PCDH7: variants seen among roughly 807,000 people sequenced by gnomAD.
The protein encoded by PCDH7 is protocadherin-7.
Under a neutral mutation model 58.9 loss-of-function variants are expected in PCDH7, and 17 were observed. That is an observed-to-expected ratio of 0.29 (90% CI 0.20 to 0.43). The LOEUF is 0.43. Ranked by LOEUF, PCDH7 falls within the 20% of genes least tolerant of loss-of-function variation. PCDH7 has a pLI of 1.00. For missense variants in PCDH7, 1,274 were observed against 1,441.0 expected, an observed-to-expected ratio of 0.88 and a Z score of 1.88; for synonymous variants, 664 against 616.4, an observed-to-expected ratio of 1.08 and a Z score of -1.14.
chr4:30,936,667 G>A (rs1041656784), intron 2 of PCDH7, among the ~76,000 whole-genome samples: 1 of 151,586 alleles, frequency 6.6e-6, no homozygotes, highest in East Asian at 1.9e-4. Flanking sequence ...CAATATTTAT[G>A]TTATCATCAA....
intron 1 of PCDH7, among the ~76,000 whole-genome samples, chr4:30,860,032 A>G (rs1733998340): frequency 6.6e-6 from 1 of 152,196 alleles, no homozygotes. Flanking sequence ...TGAAAAAATG[A>G]GAATCAGTCT....
At chr4:30,830,992 T>C (rs562291545) in intron 1 of PCDH7, among the ~76,000 whole-genome samples, 2 of 152,252 alleles carry the variant, frequency 1.3e-5, no homozygotes, top group African/African-American at 4.8e-5. Context: ...TCACTTTTAA[T>C]AGAGTAAAAG....
intron 3 of PCDH7, among the ~76,000 whole-genome samples, chr4:31,107,233 C>T (rs757366963): frequency 1.5e-4 from 23 of 152,080 alleles, no homozygotes; most frequent in Admixed American, 3.9e-4. Context: ...GACATGAATA[C>T]GTGGGTGAAA....
chr4:31,069,053 G>A (rs543480643), intron 3 of PCDH7, among the ~76,000 whole-genome samples: 15 of 151,900 alleles, frequency 9.9e-5, no homozygotes, highest in African/African-American at 2.7e-4. Flanking sequence ...GTGTGTGTGC[G>A]TGTGTGTGTG....
At chr4:31,079,282 G>T (rs1759268558) in intron 3 of PCDH7, among the ~76,000 whole-genome samples, 1 of 118,428 alleles carries the variant, frequency 8.4e-6, no homozygotes, top group Admixed American at 9.2e-5. Context: ...ATGCCACAGT[G>T]TGTAAAAGAT....
In PCDH7 at chr4:30,722,016, CGGG is replaced by C; in HGVS notation, c.596_598del (p.Gly199del). The C allele has an allele frequency of 7.9e-7, 1 of 1,259,426 alleles. No individual in the cohort carries two copies. Among genetic ancestry groups the C allele is most frequent in the Non-Finnish European group, 9.9e-7 (1 of 1,005,486 alleles). 78.0% of individuals were successfully genotyped at this position (1,259,426 alleles called of 1,614,324 possible). On this transcript the variant is annotated inframe_deletion, in exon 1 of 2. Coordinates refer to ENST00000361762, the Ensembl canonical transcript of PCDH7. The surrounding 1 kb of genome is among the most constrained non-coding windows in gnomAD (Gnocchi z 7.6). ...GCAGCGGCGGCGAGAGCCGGCGCGC[CGGG>C]GCGGCCGACAGCGCCCCCTACCCCG...
At chr4:31,069,707 T>A (rs1758384719) in intron 3 of PCDH7, among the ~76,000 whole-genome samples, 1 of 152,044 alleles carries the variant, frequency 6.6e-6, no homozygotes, top group South Asian at 2.1e-4. Flanking sequence ...AATATGAAAT[T>A]TTTCTTATTA....
chr4:30,952,422 A>G (rs1001318304), intron 3 of PCDH7, among the ~76,000 whole-genome samples: 1 of 152,018 alleles, frequency 6.6e-6, no homozygotes, highest in Admixed American at 6.6e-5. Flanking sequence ...ACTAAAGGAA[A>G]ACAGTGGATA....
At chr4:30,750,737 C>T (rs572418433) in intron 1 of PCDH7, among the ~76,000 whole-genome samples, 1 of 151,956 alleles carries the variant, frequency 6.6e-6, no homozygotes, top group South Asian at 2.1e-4. Context: ...AGGTACTGGC[C>T]CATGTACCGA....
intron 3 of PCDH7, among the ~76,000 whole-genome samples, chr4:31,119,963 A>G (rs930884863): frequency 6.7e-5 from 10 of 148,386 alleles, no homozygotes; most frequent in Admixed American, 1.3e-4. Context: ...TTTTTTTTCC[A>G]TCTATAGGTA....
At chr4:30,887,796 G>A (rs558644759) in intron 1 of PCDH7, among the ~76,000 whole-genome samples, 3 of 152,030 alleles carry the variant, frequency 2.0e-5, no homozygotes, top group Admixed American at 6.6e-5. Flanking sequence ...GCATTCACAC[G>A]GCATTGATCA....
At chr4:30,761,939 A>G (rs2109269493) in intron 1 of PCDH7, among the ~76,000 whole-genome samples, 1 of 152,354 alleles carries the variant, frequency 6.6e-6, no homozygotes, top group East Asian at 1.9e-4. Context: ...CATACCTGCC[A>G]ACCACCCTTG....
chr4:30,861,869 T>G (rs1366649464), intron 1 of PCDH7, among the ~76,000 whole-genome samples: 1 of 152,092 alleles, frequency 6.6e-6, no homozygotes, highest in Non-Finnish European at 1.5e-5. Context: ...TTGTTAGCCT[T>G]TTATTTGACT....
At chr4:30,857,223 T>G (rs766521532) in intron 1 of PCDH7, among the ~76,000 whole-genome samples, 1 of 152,150 alleles carries the variant, frequency 6.6e-6, no homozygotes, top group Non-Finnish European at 1.5e-5. Flanking sequence ...AATAGGCATA[T>G]TTTAGAAACC....
intron 1 of PCDH7, among the ~76,000 whole-genome samples, chr4:30,795,135 GTGTT>G (rs2109301801): frequency 6.6e-6 from 1 of 152,166 alleles, no homozygotes; most frequent in African/African-American, 2.4e-5. Context: ...AATCTTTCCT[GTGTT>G]TGTTTATTTA....
Position 30,894,078 on chromosome 4 carries a change from G to A in PCDH7, c.71-26075G>A, listed in dbSNP as rs183765670. 3.1e-3 allele frequency among the ~76,000 whole-genome samples: 466 copies of A among 152,088 alleles called. 3 individuals carry two copies. Among genetic ancestry groups the A allele is most frequent in the Non-Finnish European group, 3.9e-3 (267 of 67,964 alleles). ...TTCTGATAATAAATTATTATTGCCTGGGCTATTATATTTTGTTCTTAAGAA... is the reference window on the plus strand; with the variant it reads ...TTCTGATAATAAATTATTATTGCCTAGGCTATTATATTTTGTTCTTAAGAA... On this transcript the variant is annotated intron_variant, in intron 1 of 3. Transcript: ENST00000509759.
At chr4:30,819,520 A>G (rs1159880826) in intron 1 of PCDH7, among the ~76,000 whole-genome samples, 1 of 152,200 alleles carries the variant, frequency 6.6e-6, no homozygotes, top group Non-Finnish European at 1.5e-5. Flanking sequence ...TTGAATAGAT[A>G]AAGTAAAAAT....
intron 3 of PCDH7, among the ~76,000 whole-genome samples, chr4:31,061,674 C>T (rs905551614): frequency 1.3e-5 from 2 of 151,648 alleles, no homozygotes; most frequent in Non-Finnish European, 3.0e-5. Context: ...AGTCAGTAAT[C>T]TTAAATTCAG....
In PCDH7 at chr4:30,807,319, C is replaced by T. The variant is rs191784809; in HGVS notation, c.70+82723C>T. On this transcript the variant is annotated intron_variant, in intron 1 of 3. Coordinates refer to the PCDH7 transcript ENST00000509759. ...ATAAACAATAAAATACAAAAAAAGACGTTGTCTTCCTTATATTCACTTTGC... is the reference window on the plus strand; with the variant it reads ...ATAAACAATAAAATACAAAAAAAGATGTTGTCTTCCTTATATTCACTTTGC... 3.5e-3 allele frequency among the ~76,000 whole-genome samples: 533 copies of T among 152,200 alleles called. 5 individuals are homozygous for T. Among genetic ancestry groups the T allele is most frequent in the African/African-American group, 0.012 (495 of 41,538 alleles).
Sources: gnomAD v4.1 joint callset for allele counts (sites outside exome capture counted in the v4.1 genomes callset) on GRCh38, gnomAD v4.1.1 for gene constraint, Gnocchi (gnomAD v3.1) non-coding constraint, MANE v1.5 for transcripts, NCBI Gene and HGNC (gene_info 2026-07-23, HGNC 2026-07-21) for gene names.